MACF1: variants seen among roughly 807,000 people sequenced by gnomAD.
The protein encoded by MACF1 is microtubule actin crosslinking factor 1.
MACF1 carries 193 observed loss-of-function variants against 854.8 expected under a neutral mutation model. The ratio of observed to expected loss-of-function variants is 0.23; its 90% CI spans 0.20 to 0.25. The LOEUF (loss-of-function observed/expected upper bound fraction) is 0.25, where lower values mean the gene tolerates loss of function less well. Among genes scored for constraint, MACF1 ranks in the 10% least tolerant of loss-of-function variants. MACF1 has a pLI of 1.00. For synonymous variants in MACF1, 3,185 were observed against 3,226.7 expected (o/e 0.99, Z 0.44); for missense variants, 7,722 against 8,929.1 (o/e 0.86, Z 5.45).
intron 58 of MACF1, among the ~76,000 whole-genome samples, chr1:39,396,722 G>A (rs904532919): frequency 1.3e-5 from 2 of 152,156 alleles, no homozygotes; most frequent in African/African-American, 4.8e-5. Flanking sequence ...TTCTTTGAAG[G>A]GCCGTTTATT....
rs536653180 is a variant in MACF1, at chr1:39,332,793, A to G, written c.6205A>G (p.Thr2069Ala). Residue 2069 changes from threonine to alanine, a missense_variant, in exon 37 of 101, where the codon ACA becomes GCA. By Grantham distance (58) the Thr-to-Ala change is moderately conservative (BLOSUM62 0). Transcript: ENST00000564288. ...TEKGKKTTVETEDSSVENPEQ... is the reference protein window; with the variant it reads ...TEKGKKTTVEAEDSSVENPEQ... ...AAAAGGCAAAAAGACCACTGTAGAA[A>G]CAGAAGATTCTTCTGTAGAGAACCC... 130 of 1,614,202 alleles carry G rather than the reference A, an allele frequency of 8.1e-5. No individual in the cohort carries two copies. In the South Asian group the frequency reaches 1.4e-3, roughly 17 times the overall value.
In MACF1 at chr1:39,381,992, G is replaced by A. The variant is rs755453316; in HGVS notation, c.13688G>A (p.Arg4563Gln). The A allele has an allele frequency of 3.2e-5, 52 of 1,613,812 alleles. 1 individual carries two copies. The highest frequency in any genetic ancestry group is 4.0e-5 in the African/African-American group (3 of 74,910). The change falls in exon 56 of 101, where the codon CGG becomes CAG. Residue 4563 changes from arginine to glutamine, a missense_variant. Physicochemically the swap from Arg to Gln is conservative, Grantham distance 43 (BLOSUM62 1). Around this residue, in one of 15 missense-constraint regions of MACF1, gnomAD observed 2,807 missense variants for 3,235.8 expected, o/e 0.87. Transcript: ENST00000564288. The part of the protein sequence containing the change: ...WERATEVTVA[R>Q]QRQLEESASH... Reference sequence around the variant, plus strand: ...AGGGCCACTGAGGTTACTGTGGCTCGGCAAAGGCAGCTAGAGGAATCTGCA... The same window carrying A: ...AGGGCCACTGAGGTTACTGTGGCTCAGCAAAGGCAGCTAGAGGAATCTGCA...
intron 2 of MACF1, among the ~76,000 whole-genome samples, chr1:39,235,353 G>C (rs183177339): frequency 1.6e-3 from 251 of 152,360 alleles, no homozygotes; most frequent in African/African-American, 5.5e-3. Context: ...AAACCAGTCA[G>C]GCGTGGTGGC....
chr1:39,403,362 G>T (rs1000471920), intron 58 of MACF1, among the ~76,000 whole-genome samples: 8 of 152,144 alleles, frequency 5.3e-5, no homozygotes, highest in Non-Finnish European at 1.2e-4. Context: ...GCCTCCCAAA[G>T]TGCTGGGATT....
chr1:39,315,625 C>T lies in MACF1; in HGVS notation c.3383C>T (p.Ser1128Leu), dbSNP rs1281190752. 6.2e-7 allele frequency: 1 copy of T among 1,614,118 alleles called. No individual in the cohort carries two copies. The highest frequency in any genetic ancestry group is 1.7e-5 in the Admixed American group (1 of 60,016). The change falls in exon 27 of 101, where the codon TCA (serine) becomes TTA (leucine). Residue 1128 changes from serine (S) to leucine (L), a missense_variant. Physicochemically the swap from Ser to Leu is moderately radical, Grantham distance 145 (BLOSUM62 -2). This residue lies in a region of MACF1 where 1,137 missense variants were observed against 1,263.0 expected (regional missense o/e 0.90). Coordinates refer to ENST00000564288, the MANE Select transcript of MACF1 (RefSeq NM_001394062.1). ...PSSSSVPTLR[S>L]ELNLLVEKMD... ...AGTTCAAGTGTCCCAACTCTGCGCT[C>T]AGAACTGAATCTGCTGGTGGAGAAG...
intron 68 of MACF1, among the ~76,000 whole-genome samples, chr1:39,433,386 A>G (rs1031212706): frequency 6.6e-6 from 1 of 152,232 alleles, no homozygotes; most frequent in African/African-American, 2.4e-5. Context: ...CATCTTCTTT[A>G]TAACAGGGGA....
At chr1:39,091,007 T>C (rs1251006523) in intron 2 of MACF1, among the ~76,000 whole-genome samples, 1 of 152,210 alleles carries the variant, frequency 6.6e-6, no homozygotes, top group Non-Finnish European at 1.5e-5. Context: ...CTGTCTTGGC[T>C]TTCCTGTAGG....
In MACF1 at chr1:39,285,140, G is replaced by A; in HGVS notation, c.1189G>A (p.Glu397Lys). 1 of 1,614,216 alleles carries A rather than the reference G, an allele frequency of 6.2e-7. No homozygotes were observed. The highest frequency in any genetic ancestry group is 8.5e-7 in the Non-Finnish European group (1 of 1,180,042). The change falls in exon 12 of 101, where the codon GAA becomes AAA. Residue 397 changes from glutamate to lysine, a missense_variant. Coordinates refer to ENST00000564288, the MANE Select transcript of MACF1 (RefSeq NM_001394062.1). ...TCAAGGTTATCACCCTAATGATGTG[G>A]AAGAAGAGTGGGGAAAGCTCATCAT... ...LPQGYHPNDV[E>K]EEWGKLIIEM...
At chr1:39,143,600 A>G (rs543000267) in intron 2 of MACF1, among the ~76,000 whole-genome samples, 134 of 152,086 alleles carry the variant, frequency 8.8e-4, no homozygotes, top group Non-Finnish European at 1.5e-3. Flanking sequence ...GCAGACCCCA[A>G]CTTCTGCCTC....
chr1:39,252,263 G>A (rs113764006), intron 4 of MACF1, among the ~76,000 whole-genome samples: 1 of 152,296 alleles, frequency 6.6e-6, no homozygotes, highest in Non-Finnish European at 1.5e-5. Context: ...TCTGAGTCCA[G>A]ATTGCAGAAT....
At chr1:39,424,902 C>A (rs1643676136) in intron 61 of MACF1, among the ~76,000 whole-genome samples, 1 of 152,154 alleles carries the variant, frequency 6.6e-6, no homozygotes, top group African/African-American at 2.4e-5. Flanking sequence ...TCCTAGGTAG[C>A]CTATGGCAGT....
intron 80 of MACF1, among the ~76,000 whole-genome samples, chr1:39,445,481 C>G (rs1644208340): frequency 6.6e-6 from 1 of 152,164 alleles, no homozygotes; most frequent in East Asian, 1.9e-4. Context: ...AAGTGTGTGC[C>G]AAGTCCTGTG....
At chr1:39,427,358 A>G in intron 61 of MACF1, 97 bp from the exon 62 acceptor site, 3 of 1,054,738 alleles carry the variant, frequency 2.8e-6, no homozygotes, top group Non-Finnish European at 2.8e-6. Context: ...TATTTAAACT[A>G]TACCTGGAAA....
chr1:39,216,394 C>T (rs752662619), intron 1 of MACF1, among the ~76,000 whole-genome samples: 2 of 152,164 alleles, frequency 1.3e-5, no homozygotes, highest in East Asian at 3.8e-4. Flanking sequence ...TTGGGAACCA[C>T]TGGTTTGGTA....
chr1:39,452,847 A>G (rs750423428), intron 87 of MACF1, 35 bp downstream of exon 87: 3 of 1,606,098 alleles, frequency 1.9e-6, no homozygotes, highest in African/African-American at 1.3e-5. Context: ...ACCTCATGCT[A>G]CCTACCACCT....
chr1:39,399,371 C>CTTTTTTTTTTTTTT (rs1330401656), intron 58 of MACF1, among the ~76,000 whole-genome samples: 3 of 96,746 alleles, frequency 3.1e-5, no homozygotes, highest in African/African-American at 9.2e-5. Flanking sequence ...CTTTATAAAG[C>CTTTTTTTTTTTTTT]TTTTTTTTTT....
intron 97 of MACF1, among the ~76,000 whole-genome samples, chr1:39,473,324 T>C (rs1644812653): frequency 6.6e-6 from 1 of 152,188 alleles, no homozygotes; most frequent in African/African-American, 2.4e-5. Context: ...TGTGATAGAA[T>C]TAAACAGGTC....
chr1:39,458,540 G>A, intron 90 of MACF1, 50 bp downstream of exon 90: 1 of 1,544,616 alleles, frequency 6.5e-7, no homozygotes, highest in Non-Finnish European at 8.7e-7. Context: ...GCTAATTGAG[G>A]ATGAGCACTT....
In MACF1 at chr1:39,429,848, A is replaced by G. The variant is rs1643841771; in HGVS notation, c.16910A>G (p.Gln5637Arg). 6.2e-7 allele frequency: 1 copy of G among 1,613,946 alleles called. No homozygotes were observed. Among genetic ancestry groups the G allele is most frequent in the Non-Finnish European group, 8.5e-7 (1 of 1,179,932 alleles). Residue 5637 changes from glutamine to arginine, a missense_variant, in exon 65 of 101, where the codon CAG becomes CGG. Gln to Arg is a conservative substitution (Grantham distance 43). Transcript: ENST00000564288. ...ATAGGTGAGGAGGTGTTACTTATCC[A>G]GGAAAAACTAGATGGTATAAAGACT... ...QTTGEEVLLI[Q>R]EKLDGIKTRY...
Sources: gnomAD v4.1 joint callset for allele counts (sites outside exome capture counted in the v4.1 genomes callset) on GRCh38, gnomAD v4.1.1 for gene constraint, gnomAD v4.1.1 regional missense constraint, MANE v1.5 for transcripts, NCBI Gene and HGNC (gene_info 2026-07-23, HGNC 2026-07-21) for gene names.